CACNA2D3: variants seen among roughly 807,000 people sequenced by gnomAD.
The protein encoded by CACNA2D3 is calcium voltage-gated channel auxiliary subunit alpha2delta 3.
In CACNA2D3, 60 loss-of-function variants were observed where a neutral mutation model predicts 160.6. The ratio of observed to expected loss-of-function variants is 0.37; its 90% CI spans 0.30 to 0.46. The LOEUF is 0.46. Among genes scored for constraint, CACNA2D3 ranks in the 20% least tolerant of loss-of-function variants. The pLI, the probability that CACNA2D3 is intolerant of heterozygous loss-of-function variation, is 1.00. For synonymous variants in CACNA2D3, 558 were observed against 492.9 expected (o/e 1.13, Z -1.75); for missense variants, 1,205 against 1,365.0 (o/e 0.88, Z 1.85).
intron 2 of CACNA2D3, among the ~76,000 whole-genome samples, chr3:54,268,484 ACTGCAACCTCTGCCT>A (rs1702560429): frequency 6.6e-6 from 1 of 152,150 alleles, no homozygotes; most frequent in African/African-American, 2.4e-5. Context: ...ATGTTGGCTC[ACTGCAACCTCTGCCT>A]CCTGGGTTCA....
At chr3:54,392,444 G>A (rs1051675186) in intron 4 of CACNA2D3, among the ~76,000 whole-genome samples, 2 of 152,218 alleles carry the variant, frequency 1.3e-5, no homozygotes, top group Non-Finnish European at 2.9e-5. Flanking sequence ...ATATGGTTTT[G>A]AATTGTGTAT....
chr3:54,363,869 C>T (rs1029443129), intron 3 of CACNA2D3, among the ~76,000 whole-genome samples: 2 of 152,176 alleles, frequency 1.3e-5, no homozygotes, highest in Admixed American at 6.5e-5. Context: ...CTTCCTTCTC[C>T]TCTTAGCATG....
intron 9 of CACNA2D3, among the ~76,000 whole-genome samples, chr3:54,597,079 TC>T (rs1228147722): frequency 6.6e-6 from 1 of 152,182 alleles, no homozygotes; most frequent in Non-Finnish European, 1.5e-5. Flanking sequence ...AAGAAGCACA[TC>T]CCAGCCAATC....
At chr3:54,296,808 T>G (rs1703351795) in intron 2 of CACNA2D3, among the ~76,000 whole-genome samples, 3 of 152,142 alleles carry the variant, frequency 2.0e-5, no homozygotes, top group African/African-American at 7.2e-5. Context: ...AATTGTGTTG[T>G]GGGGAAAAAG....
At chr3:54,803,106 G>A (rs555365650) in intron 13 of CACNA2D3, among the ~76,000 whole-genome samples, 1 of 152,206 alleles carries the variant, frequency 6.6e-6, no homozygotes, top group Non-Finnish European at 1.5e-5. Context: ...CACAAAGATG[G>A]GGAAAAAACA....
At chr3:54,823,367 T>G (rs571458343) in intron 14 of CACNA2D3, among the ~76,000 whole-genome samples, 59 of 151,766 alleles carry the variant, frequency 3.9e-4, no homozygotes, top group African/African-American at 1.3e-3. Flanking sequence ...ATATTACATT[T>G]TATTATTAAC....
intron 35 of CACNA2D3, among the ~76,000 whole-genome samples, chr3:55,072,422 CAGA>C (rs1444971918): frequency 6.6e-6 from 1 of 152,158 alleles, no homozygotes; most frequent in Non-Finnish European, 1.5e-5. Context: ...TCCCATAAAG[CAGA>C]AGAACTTTTC....
Position 54,943,479 on chromosome 3 carries a change from A to G in CACNA2D3, c.2450-24971A>G, listed in dbSNP as rs546853147. Reference sequence around the variant, plus strand: ...ACCAACATGACTGTATGCCCATTTCATTGTTCTTGATTAATTAGTCAGCGA... The same window carrying G: ...ACCAACATGACTGTATGCCCATTTCGTTGTTCTTGATTAATTAGTCAGCGA... On this transcript the variant is annotated intron_variant, in intron 27 of 37. Coordinates refer to ENST00000474759, the MANE Select transcript of CACNA2D3 (RefSeq NM_018398.3). Among the ~76,000 whole-genome samples the G allele has an allele frequency of 7.2e-5, 11 of 152,168 alleles. 1 individual carries two copies. The highest frequency in any genetic ancestry group is 2.4e-4 in the African/African-American group (10 of 41,522).
At chr3:54,295,272 G>C (rs908035452) in intron 2 of CACNA2D3, among the ~76,000 whole-genome samples, 1 of 152,164 alleles carries the variant, frequency 6.6e-6, no homozygotes, top group East Asian at 1.9e-4. Context: ...TAGGAGATGA[G>C]GGAGTGTGGA....
At chr3:54,666,703 A>G (rs982758318) in intron 11 of CACNA2D3, among the ~76,000 whole-genome samples, 14 of 152,236 alleles carry the variant, frequency 9.2e-5, no homozygotes, top group Non-Finnish European at 1.5e-4. Context: ...AAATATATGT[A>G]TAGAAAGAAA....
At chr3:54,835,924 C>T (rs984445738) in intron 14 of CACNA2D3, among the ~76,000 whole-genome samples, 12 of 152,204 alleles carry the variant, frequency 7.9e-5, no homozygotes, top group Non-Finnish European at 1.6e-4. Flanking sequence ...GTTTTGTCTT[C>T]ATGGCAACAG....
At chr3:54,947,539 G>A (rs1701646089) in intron 27 of CACNA2D3, among the ~76,000 whole-genome samples, 1 of 152,152 alleles carries the variant, frequency 6.6e-6, no homozygotes, top group African/African-American at 2.4e-5. Context: ...TGGGTTAGCA[G>A]CATATATCCA....
intron 2 of CACNA2D3, among the ~76,000 whole-genome samples, chr3:54,183,484 C>T (rs1576984464): frequency 1.3e-5 from 2 of 151,696 alleles, no homozygotes; most frequent in Non-Finnish European, 2.9e-5. Context: ...TTTTTGCCAA[C>T]GCGCCTTTTT....
intron 3 of CACNA2D3, among the ~76,000 whole-genome samples, chr3:54,357,508 T>C (rs1698670192): frequency 6.6e-6 from 1 of 152,198 alleles, no homozygotes; most frequent in Admixed American, 6.5e-5. Flanking sequence ...GGAAGATGAC[T>C]TGGCAGTTTC....
chr3:54,671,361 C>T (rs1700157389), intron 11 of CACNA2D3, among the ~76,000 whole-genome samples: 2 of 151,926 alleles, frequency 1.3e-5, no homozygotes, highest in African/African-American at 4.8e-5. Context: ...TGGTTGTGCT[C>T]ACAGAGAGGC....
chr3:54,918,509 C>G (rs781338601), intron 27 of CACNA2D3: 35 of 1,613,866 alleles, frequency 2.2e-5, no homozygotes, highest in Non-Finnish European at 3.0e-5. Flanking sequence ...TTCCCAGGAT[C>G]ATTGGTTTGA....
chr3:54,896,927 T>C, intron 26 of CACNA2D3, 57 bp downstream of exon 26: 1 of 1,611,184 alleles, frequency 6.2e-7, no homozygotes. Flanking sequence ...GTCTGGGCAT[T>C]GTGTGCAGGG....
chr3:54,618,804 C>G (rs572541451), intron 9 of CACNA2D3, among the ~76,000 whole-genome samples: 1 of 152,206 alleles, frequency 6.6e-6, no homozygotes, highest in South Asian at 2.1e-4. Flanking sequence ...GCGCTGGCAC[C>G]CACAGCACTG....
At position 54,240,216 on chromosome 3, in the gene CACNA2D3, TTTGTTG is replaced by T. The variant is rs10586077; in HGVS notation, c.205-80210_205-80205del. Among the ~76,000 whole-genome samples the T allele has an allele frequency of 9.6e-3, 1,461 of 151,738 alleles. 20 individuals are homozygous for T. The highest frequency in any genetic ancestry group is 0.045 in the East Asian group (232 of 5,158). The stretch of plus-strand genomic sequence containing the variant: ...TGGTGATGGTCATATTAGGTGTATT[TTTGTTG>T]TTGTTGTTGTTGTTGAAGTGAAAAC... On this transcript the variant is annotated intron_variant, in intron 2 of 37. Coordinates refer to ENST00000474759, the MANE Select transcript of CACNA2D3 (RefSeq NM_018398.3).
Sources: allele counts gnomAD v4.1 joint callset (sites outside exome capture counted in the v4.1 genomes callset), GRCh38; gene constraint gnomAD v4.1.1; transcripts MANE v1.5; gene names NCBI Gene and HGNC (gene_info 2026-07-23, HGNC 2026-07-21).